INKA2: variants seen among roughly 807,000 people sequenced by gnomAD.
INKA2 encodes the protein inka box actin regulator 2, also known as PAK4-inhibitor INKA2.
In INKA2, 3 loss-of-function variants were observed where a neutral mutation model predicts 9.8. The ratio of observed to expected loss-of-function variants is 0.31; its 90% CI spans 0.14 to 0.79. The LOEUF (loss-of-function observed/expected upper bound fraction) is 0.79. INKA2 is among the 30% of genes least tolerant of loss of function. The pLI, the probability that INKA2 is intolerant of heterozygous loss-of-function variation, is 0.62. For missense variants in INKA2, 392 were observed against 384.4 expected (o/e 1.02, Z -0.17); for synonymous variants, 147 against 143.3 (o/e 1.03, Z -0.18).
Position 111,727,194 on chromosome 1 carries a change from T to A in INKA2, c.668A>T (p.Asp223Val). ...KFLRSVRPDR[D>V]RLLKEKPGWV... ...GCCTGGCTTCTCCTTCAGCAGCCGG[T>A]CACGGTCAGGCCGCACACTACGCAA... Residue 223 changes from aspartate (D) to valine (V), a missense_variant, in exon 2 of 2, where the codon GAC (aspartate) becomes GTC (valine). Asp to Val is a radical substitution (Grantham distance 152). Coordinates refer to ENST00000357260, the MANE Select transcript of INKA2 (RefSeq NM_019099.5). 2 of 1,614,222 alleles carry A rather than the reference T, an allele frequency of 1.2e-6. No individual in the cohort carries two copies. The highest frequency in any genetic ancestry group is 1.7e-5 in the Admixed American group (1 of 60,024).
rs574126873 is a variant in INKA2, at chr1:111,738,461, G to A, written c.57+725C>T. Among the ~76,000 whole-genome samples the A allele has an allele frequency of 4.7e-5, 7 of 148,942 alleles. No individual in the cohort carries two copies. In the South Asian group the frequency reaches 1.5e-3, roughly 32 times the overall value. On this transcript the variant is annotated intron_variant, in intron 1 of 1. Transcript: ENST00000357260. Reference sequence around the variant, plus strand: ...CGCGGGGCCTCCGAACGCTCCCTGCGCACTCCCCAAGCCCAGACCTGACAT... The same window carrying A: ...CGCGGGGCCTCCGAACGCTCCCTGCACACTCCCCAAGCCCAGACCTGACAT...
intron 1 of INKA2, among the ~76,000 whole-genome samples, chr1:111,751,808 T>C (rs1663417170): frequency 6.6e-6 from 1 of 152,248 alleles, no homozygotes; most frequent in Admixed American, 6.5e-5. Flanking sequence ...TAGCTCTCAC[T>C]AATGCTAGGA....
rs571858794 is a variant in INKA2, at chr1:111,750,026, G to T, written n.124+5675C>A. 2.6e-5 allele frequency among the ~76,000 whole-genome samples: 4 copies of T among 152,366 alleles called. No homozygotes were observed. In the East Asian group the frequency reaches 7.7e-4, roughly 29 times the overall value. ...ATAAACTCCCTGCCAAAAGGGGCAG[G>T]TTATTTATTATGCTGCCTGGACAAG... On this transcript the variant is annotated intron_variant and non_coding_transcript_variant, in intron 1 of 1. Transcript: ENST00000444059.
Position 111,752,434 on chromosome 1 carries a change from C to T in INKA2, n.124+3267G>A, listed in dbSNP as rs774122072. The stretch of plus-strand genomic sequence containing the variant: ...TCCCCAAGTGCAGAGGCTCTGTTTA[C>T]TTTGTTCCATTTTTGTATCTCTAGC... On this transcript the variant is annotated intron_variant and non_coding_transcript_variant, in intron 1 of 1. Transcript: ENST00000444059. Among the ~76,000 whole-genome samples the T allele has an allele frequency of 2.5e-4, 38 of 152,302 alleles. No homozygotes were observed. The Middle Eastern group carries it at 0.017, about 68-fold the overall frequency.
intron 1 of INKA2, among the ~76,000 whole-genome samples, chr1:111,731,692 C>T (rs575486191): frequency 1.3e-5 from 2 of 152,314 alleles, no homozygotes; most frequent in South Asian, 4.1e-4. Context: ...CAGTTCCTGC[C>T]TCATACAGCT....
At chr1:111,738,398 A>C (rs1055789037) in intron 1 of INKA2, among the ~76,000 whole-genome samples, 17 of 144,036 alleles carry the variant, frequency 1.2e-4, no homozygotes, top group South Asian at 2.3e-4. Flanking sequence ...GGTGATTTCC[A>C]CCCCCCCAGA....
In INKA2 at chr1:111,723,093, A is replaced by C. The variant is rs1662683459; in HGVS notation, c.*3875T>G. 1.4e-6 allele frequency: 1 copy of C among 701,736 alleles called. No individual in the cohort carries two copies. The highest frequency in any genetic ancestry group is 1.5e-5 in the South Asian group (1 of 67,558). The allele number at this position is 701,736 out of a possible 1,614,324, so 43.5% of individuals were successfully genotyped here. ...CTAGTGCTCATACCATGGTGCTGGC[A>C]GAAGTGCCTTAACTGCACCGGATGG... On this transcript the variant is annotated 3_prime_UTR_variant, in exon 2 of 2. Transcript: ENST00000357260.
chr1:111,741,412 A>G (rs1663148652), upstream of INKA2, among the ~76,000 whole-genome samples: 1 of 152,236 alleles, frequency 6.6e-6, no homozygotes, highest in Non-Finnish European at 1.5e-5. Context: ...AGCTGTGGGC[A>G]GAAATTCTCC....
At chr1:111,755,749 A>G (rs765847654) in exon 1 of INKA2, 3 of 1,613,804 alleles carry the variant, frequency 1.9e-6, no homozygotes, top group Non-Finnish European at 2.5e-6. Flanking sequence ...TCCTCAGGCC[A>G]CATTTTTTGT....
chr1:111,755,477 A>G (rs1663517876), intron 1 of INKA2: 3 of 567,986 alleles, frequency 5.3e-6, no homozygotes, highest in African/African-American at 2.0e-5. Flanking sequence ...CGGAGCGGGT[A>G]GCGTTGGGGA....
chr1:111,755,492 G>T, intron 1 of INKA2: 1 of 587,326 alleles, frequency 1.7e-6, no homozygotes, highest in Non-Finnish European at 2.9e-6. Flanking sequence ...TGGGGAAGAG[G>T]TGGCCGCGAA....
chr1:111,723,315 G>C lies in INKA2; in HGVS notation c.*3653C>G, dbSNP rs1557905966. 1 of 521,508 alleles carries C rather than the reference G, an allele frequency of 1.9e-6. No homozygotes were observed. The highest frequency in any genetic ancestry group is 3.3e-5 in the East Asian group (1 of 29,886). The allele number at this position is 521,508 out of a possible 1,614,324, so 32.3% of individuals were successfully genotyped here. A position where few individuals can be genotyped will look rare whatever the true frequency, so the allele number is the denominator to read the frequency against. ...CTTCTTTGGGGCAAGTTTGGGTTCA[G>C]AGATCACCCTGAGGGGCGGGGCACA... On this transcript the variant is annotated 3_prime_UTR_variant, in exon 2 of 2. Transcript: ENST00000357260.
chr1:111,734,085 C>T (rs1662963451), intron 1 of INKA2, among the ~76,000 whole-genome samples: 1 of 152,214 alleles, frequency 6.6e-6, no homozygotes, highest in Non-Finnish European at 1.5e-5. Flanking sequence ...CTTCACAGCC[C>T]CTCACACTTG....
intron 1 of INKA2, among the ~76,000 whole-genome samples, chr1:111,749,663 T>C (rs1230418157): frequency 6.6e-6 from 1 of 152,196 alleles, no homozygotes. Flanking sequence ...AAATTCTTTT[T>C]CTTTTTGCTC....
At chr1:111,734,305 G>T (rs952825979) in intron 1 of INKA2, among the ~76,000 whole-genome samples, 1 of 152,302 alleles carries the variant, frequency 6.6e-6, no homozygotes, top group African/African-American at 2.4e-5. Context: ...CTTAGTCTCC[G>T]CAAGCCCTCT....
At chr1:111,738,100 AAG>A (rs1288069679) in intron 1 of INKA2, among the ~76,000 whole-genome samples, 2 of 152,206 alleles carry the variant, frequency 1.3e-5, no homozygotes, top group Non-Finnish European at 2.9e-5. Context: ...AGTAAGAAGA[AAG>A]AGGAGAGCAG....
In INKA2 at chr1:111,726,700, GACACACACAT is replaced by G. The variant is rs1375591003; in HGVS notation, c.*258_*267del. 5 of 482,184 alleles carry G rather than the reference GACACACACAT, an allele frequency of 1.0e-5. No homozygotes were observed. The highest frequency in any genetic ancestry group is 9.9e-5 in the African/African-American group (5 of 50,312). The allele number at this position is 482,184 out of a possible 1,614,324, so 29.9% of individuals were successfully genotyped here. A position where few individuals can be genotyped will look rare whatever the true frequency, so the allele number is the denominator to read the frequency against. ...AAAGTGAGTGCATGCATGCCAGACA[GACACACACAT>G]GCACACACACACACACACACGCACA... On this transcript the variant is annotated 3_prime_UTR_variant, in exon 2 of 2. Coordinates refer to ENST00000357260, the MANE Select transcript of INKA2 (RefSeq NM_019099.5).
chr1:111,755,543 G>A, intron 1 of INKA2: 1 of 780,814 alleles, frequency 1.3e-6, no homozygotes, highest in Non-Finnish European at 2.0e-6. Flanking sequence ...AGCACGAGAC[G>A]GGGGCGTGAC....
chr1:111,742,873 C>T (rs777021094), upstream of INKA2, among the ~76,000 whole-genome samples: 6 of 152,230 alleles, frequency 3.9e-5, no homozygotes, highest in Non-Finnish European at 7.3e-5. Flanking sequence ...TGGGCCATTG[C>T]AACTTACGTA....
Sources: allele counts gnomAD v4.1 joint callset (sites outside exome capture counted in the v4.1 genomes callset), GRCh38; gene constraint gnomAD v4.1.1; transcripts MANE v1.5; gene names NCBI Gene and HGNC (gene_info 2026-07-23, HGNC 2026-07-21).